RGL1: variants seen among roughly 807,000 people sequenced by gnomAD.
RGL1 encodes the protein ral guanine nucleotide dissociation stimulator-like 1.
Under a neutral mutation model 95.2 loss-of-function variants are expected in RGL1, and 24 were observed. The observed-to-expected ratio is 0.25, with a 90% CI of 0.18 to 0.35. The LOEUF (loss-of-function observed/expected upper bound fraction) is 0.35, where lower values mean the gene tolerates loss of function less well. Among genes scored for constraint, RGL1 ranks in the 10% least tolerant of loss-of-function variants. The pLI is 1.00. For missense variants in RGL1, 715 were observed against 936.3 expected, an observed-to-expected ratio of 0.76 and a Z score of 3.08; for synonymous variants, 329 against 344.9, an observed-to-expected ratio of 0.95 and a Z score of 0.51.
chr1:183,666,013 T>C lies in RGL1; in HGVS notation c.-33+29512T>C, dbSNP rs536904185. Among the ~76,000 whole-genome samples the C allele has an allele frequency of 2.7e-5, 4 of 149,484 alleles. No individual in the cohort carries two copies. The East Asian group carries it at 5.8e-4, about 22-fold the overall frequency. The stretch of plus-strand genomic sequence containing the variant: ...GAAGGTCTTCTTTTTTTCTTTTTTT[T>C]TTTTTTTTTGAGATGGAGTTTCGCT... On this transcript the variant is annotated intron_variant, in intron 1 of 18. Coordinates refer to the RGL1 transcript ENST00000304685.
At chr1:183,657,958 T>C (rs1370899317) in intron 1 of RGL1, among the ~76,000 whole-genome samples, 1 of 152,220 alleles carries the variant, frequency 6.6e-6, no homozygotes, top group Non-Finnish European at 1.5e-5. Context: ...ACCTGTTGTT[T>C]CCTGACTTTT....
At chr1:183,765,013 T>C (rs968724118) in intron 2 of RGL1, among the ~76,000 whole-genome samples, 2 of 152,206 alleles carry the variant, frequency 1.3e-5, no homozygotes, top group Admixed American at 6.5e-5. Flanking sequence ...GATCCATCTG[T>C]GTCTACAGAT....
intron 1 of RGL1, among the ~76,000 whole-genome samples, chr1:183,735,172 G>A (rs1656864739): frequency 6.6e-6 from 1 of 152,108 alleles, no homozygotes; most frequent in South Asian, 2.1e-4. Context: ...ATATCAACTG[G>A]AATAAAGCAA....
chr1:183,644,659 T>G (rs1480769094), intron 1 of RGL1, among the ~76,000 whole-genome samples: 2 of 152,052 alleles, frequency 1.3e-5, no homozygotes, highest in African/African-American at 4.8e-5. Context: ...TTTATTTTAT[T>G]TTTTTAATTT....
chr1:183,647,871 A>T, intron 1 of RGL1: 1 of 1,614,064 alleles, frequency 6.2e-7, no homozygotes, highest in Non-Finnish European at 8.5e-7. Flanking sequence ...GCCCATATGC[A>T]TTGGTGGTAA....
Position 183,883,833 on chromosome 1 carries a change from C to A in RGL1, c.658C>A (p.Leu220Met), listed in dbSNP as rs754235208. ...CTTCAGCCTGGAAGAGGAAGAGGAA[C>A]TGGAGGGTGGAGAGTCAGCAGAATT... ...ISFSLEEEEE[L>M]EGGESAEFTC... is the part of the protein sequence containing the mutation. Residue 220 changes from leucine to methionine, a missense_variant, in exon 6 of 18, where the codon CTG (leucine) becomes ATG (methionine). By Grantham distance (15) the Leu-to-Met change is conservative. Around this residue, in one of 3 missense-constraint regions of RGL1, gnomAD observed 381 missense variants for 484.8 expected, o/e 0.79. Transcript: ENST00000360851. 2 of 1,614,042 alleles carry A rather than the reference C, an allele frequency of 1.2e-6. No homozygotes were observed. The highest frequency in any genetic ancestry group is 1.7e-6 in the Non-Finnish European group (2 of 1,179,888).
intron 1 of RGL1, among the ~76,000 whole-genome samples, chr1:183,683,188 A>C (rs1169838133): frequency 6.6e-6 from 1 of 152,122 alleles, no homozygotes; most frequent in Non-Finnish European, 1.5e-5. Flanking sequence ...TAATATTGTT[A>C]TGTGTGAATT....
intron 2 of RGL1, among the ~76,000 whole-genome samples, chr1:183,840,872 A>G (rs753573868): frequency 8.6e-5 from 13 of 152,046 alleles, no homozygotes; most frequent in Non-Finnish European, 1.3e-4. Flanking sequence ...GGCCTGGGCA[A>G]TAGAGATGGA....
intron 1 of RGL1, among the ~76,000 whole-genome samples, chr1:183,658,458 A>G (rs1651353435): frequency 6.6e-6 from 1 of 152,136 alleles, no homozygotes; most frequent in South Asian, 2.1e-4. Context: ...GCTGATTGCT[A>G]GCACAGCAGT....
intron 1 of RGL1, among the ~76,000 whole-genome samples, chr1:183,720,082 A>T (rs1373835613): frequency 6.6e-6 from 1 of 152,180 alleles, no homozygotes; most frequent in Non-Finnish European, 1.5e-5. Flanking sequence ...ATGGTAGAAA[A>T]ATTAGCGTTA....
At chr1:183,717,318 G>T (rs1655682550) in intron 1 of RGL1, among the ~76,000 whole-genome samples, 1 of 152,066 alleles carries the variant, frequency 6.6e-6, no homozygotes, top group Admixed American at 6.6e-5. Flanking sequence ...AACCTCTAGG[G>T]CACCAAAGTG....
intron 1 of RGL1, among the ~76,000 whole-genome samples, chr1:183,685,774 GT>G (rs1470730102): frequency 1.8e-4 from 28 of 152,072 alleles, no homozygotes; most frequent in Non-Finnish European, 3.7e-4. Flanking sequence ...CAGTAATTTT[GT>G]GTTCTTTAGC....
intron 3 of RGL1, among the ~76,000 whole-genome samples, chr1:183,852,271 TA>T (rs1664867757): frequency 6.6e-6 from 1 of 152,220 alleles, no homozygotes; most frequent in South Asian, 2.1e-4. Context: ...TCTGCTATAA[TA>T]TGAGCCTTTT....
intron 11 of RGL1, among the ~76,000 whole-genome samples, chr1:183,902,274 A>AGT (rs1668072331): frequency 6.6e-6 from 1 of 152,208 alleles, no homozygotes; most frequent in Non-Finnish European, 1.5e-5. Flanking sequence ...TCAAGCTTTT[A>AGT]TCTTTACTGG....
intron 1 of RGL1, among the ~76,000 whole-genome samples, chr1:183,671,510 A>T (rs1652448080): frequency 6.6e-6 from 1 of 152,124 alleles, no homozygotes; most frequent in African/African-American, 2.4e-5. Flanking sequence ...TGTCAGTGAA[A>T]GGAAGCATTT....
intron 2 of RGL1, among the ~76,000 whole-genome samples, chr1:183,774,652 C>T (rs955410402): frequency 6.8e-6 from 1 of 146,354 alleles, no homozygotes; most frequent in African/African-American, 2.5e-5. Flanking sequence ...TCTCGGTTCA[C>T]ACAACCTCTG....
Position 183,916,386 on chromosome 1 carries a change from T to C in RGL1, c.1750-61T>C, listed in dbSNP as rs113484509. On this transcript the variant is annotated intron_variant, in intron 15 of 17. Coordinates refer to ENST00000360851, the MANE Select transcript of RGL1 (RefSeq NM_001297671.3). ...TTGATATCTACCTCTGCTTTGAAAA[T>C]TGCAAAGCTGTTGGCCAGCGTTCTA... is the stretch of plus-strand genomic sequence containing the variant. 1.1e-4 allele frequency: 172 copies of C among 1,587,994 alleles called. No homozygotes were observed. The African/African-American group carries it at 2.2e-3, about 20-fold the overall frequency.
chr1:183,901,024 G>A lies in RGL1; in HGVS notation c.1317+788G>A, dbSNP rs569421394. Among the ~76,000 whole-genome samples, 44 of 151,976 alleles carry A rather than the reference G, an allele frequency of 2.9e-4. No individual in the cohort carries two copies. The South Asian group carries it at 8.9e-3, about 31-fold the overall frequency. On this transcript the variant is annotated intron_variant, in intron 11 of 17. Transcript: ENST00000360851. ...TACTAAAAATACAAAAATTAGGCTGGGTGTGGTGGCTCACGCCTGTAATCC... is the reference window on the plus strand; with the variant it reads ...TACTAAAAATACAAAAATTAGGCTGAGTGTGGTGGCTCACGCCTGTAATCC...
chr1:183,675,878 G>A (rs1000153270), intron 1 of RGL1, among the ~76,000 whole-genome samples: 1 of 152,198 alleles, frequency 6.6e-6, no homozygotes, highest in Non-Finnish European at 1.5e-5. Flanking sequence ...AGATGTGGTG[G>A]CTCATGCCTG....
Sources: gnomAD v4.1 joint callset for allele counts (sites outside exome capture counted in the v4.1 genomes callset) on GRCh38, gnomAD v4.1.1 for gene constraint, gnomAD v4.1.1 regional missense constraint, MANE v1.5 for transcripts, NCBI Gene and HGNC (gene_info 2026-07-23, HGNC 2026-07-21) for gene names.